Variants in DGKI observed in about 807,000 individuals in gnomAD.
DGKI encodes diacylglycerol kinase iota.
In DGKI, 55 loss-of-function variants were observed where a neutral mutation model predicts 147.5. That is an observed-to-expected ratio of 0.37 (90% confidence interval 0.30 to 0.47). The LOEUF is 0.47. Among genes scored for constraint, DGKI ranks in the 20% least tolerant of loss-of-function variants. DGKI has a pLI of 1.00. For missense variants in DGKI, 1,007 were observed against 1,323.8 expected (o/e 0.76, Z 3.71); for synonymous variants, 469 against 477.1 (o/e 0.98, Z 0.22).
intron 21 of DGKI, among the ~76,000 whole-genome samples, chr7:137,502,148 T>C (rs1816196512): frequency 6.6e-6 from 1 of 152,204 alleles, no homozygotes; most frequent in Non-Finnish European, 1.5e-5. Flanking sequence ...GTCTCAGGTA[T>C]GTCTTTGACA....
chr7:137,474,538 G>A (rs1187112396), intron 23 of DGKI, among the ~76,000 whole-genome samples: 1 of 152,164 alleles, frequency 6.6e-6, no homozygotes, highest in African/African-American at 2.4e-5. Context: ...TGGTTGAGGT[G>A]GCGGTGGTGG....
intron 1 of DGKI, among the ~76,000 whole-genome samples, chr7:137,698,741 G>T (rs1041899184): frequency 6.6e-6 from 1 of 152,190 alleles, no homozygotes; most frequent in Non-Finnish European, 1.5e-5. Flanking sequence ...CCCATTTTAT[G>T]AATGGGACGA....
Position 137,737,896 on chromosome 7 carries a change from G to A in DGKI, c.402-47894C>T, listed in dbSNP as rs577062387. Among the ~76,000 whole-genome samples, 28 of 152,170 alleles carry A rather than the reference G, an allele frequency of 1.8e-4. No homozygotes were observed. The South Asian group carries it at 5.4e-3, about 29-fold the overall frequency. ...CACAGTGGAGCTAGGAAAAAAATGGGACCATTAATTTATTCAATAATTTCT... is the reference window on the plus strand; with the variant it reads ...CACAGTGGAGCTAGGAAAAAAATGGAACCATTAATTTATTCAATAATTTCT... On this transcript the variant is annotated intron_variant, in intron 1 of 32. Coordinates refer to ENST00000614521, the MANE Select transcript of DGKI (RefSeq NM_001321708.2).
chr7:137,510,315 T>C (rs182113882), intron 21 of DGKI, among the ~76,000 whole-genome samples: 93 of 152,362 alleles, frequency 6.1e-4, no homozygotes, highest in Non-Finnish European at 1.1e-3. Flanking sequence ...AACAAGATGA[T>C]GTATATAATC....
intron 1 of DGKI, among the ~76,000 whole-genome samples, chr7:137,799,333 T>C (rs1343722133): frequency 6.6e-6 from 1 of 152,190 alleles, no homozygotes; most frequent in African/African-American, 2.4e-5. Flanking sequence ...AGTAGATTAG[T>C]GTTTGCCAGG....
intron 32 of DGKI, among the ~76,000 whole-genome samples, chr7:137,393,234 TA>T (rs397691562): frequency 1.3e-5 from 2 of 151,292 alleles, no homozygotes; most frequent in African/African-American, 4.9e-5. Flanking sequence ...CATTTTTTTT[TA>T]AAAAAAGCAG....
chr7:137,546,616 C>T (rs1353808616), intron 20 of DGKI, among the ~76,000 whole-genome samples: 1 of 152,208 alleles, frequency 6.6e-6, no homozygotes, highest in East Asian at 1.9e-4. Flanking sequence ...AGATTTCTCC[C>T]TTTTCTCCCT....
At chr7:137,483,414 T>G (rs1368754455) in intron 23 of DGKI, among the ~76,000 whole-genome samples, 2 of 152,128 alleles carry the variant, frequency 1.3e-5, no homozygotes, top group African/African-American at 4.8e-5. Flanking sequence ...GATCAGCTCT[T>G]ACCTTTAAAA....
intron 31 of DGKI, 25 bp from the exon 32 acceptor site, chr7:137,395,722 C>T (rs765286593): frequency 1.2e-6 from 2 of 1,610,754 alleles, no homozygotes; most frequent in South Asian, 1.1e-5. Flanking sequence ...AAATGGGAAA[C>T]CACCCATAAA....
At chr7:137,653,122 G>GTGTGTT (rs1321104246) in intron 5 of DGKI, among the ~76,000 whole-genome samples, 2 of 152,196 alleles carry the variant, frequency 1.3e-5, no homozygotes, top group Admixed American at 6.5e-5. Context: ...GTGTGTGTAT[G>GTGTGTT]TGTGTTTGTG....
At chr7:137,588,471 G>A (rs1006004153) in intron 12 of DGKI, among the ~76,000 whole-genome samples, 5 of 134,544 alleles carry the variant, frequency 3.7e-5, no homozygotes, top group Non-Finnish European at 6.1e-5. Context: ...TGGACATACC[G>A]ATGCTTTTTT....
intron 21 of DGKI, among the ~76,000 whole-genome samples, chr7:137,488,505 C>T (rs940725879): frequency 1.3e-5 from 2 of 151,760 alleles, no homozygotes; most frequent in South Asian, 2.1e-4. Context: ...GAAAAATAGT[C>T]TTCTTTCCAA....
At chr7:137,398,355 C>G (rs1264883035) in intron 30 of DGKI, among the ~76,000 whole-genome samples, 1 of 152,134 alleles carries the variant, frequency 6.6e-6, no homozygotes, top group Non-Finnish European at 1.5e-5. Flanking sequence ...TCCAGAAAAC[C>G]CCTTAAAGTT....
intron 5 of DGKI, among the ~76,000 whole-genome samples, chr7:137,652,443 T>C (rs559908757): frequency 5.9e-5 from 9 of 152,318 alleles, no homozygotes; most frequent in Admixed American, 2.6e-4. Context: ...ATGAATCCCC[T>C]GGTTGGAAAG....
intron 20 of DGKI, among the ~76,000 whole-genome samples, chr7:137,548,614 G>A (rs1241405092): frequency 6.6e-6 from 1 of 152,152 alleles, no homozygotes; most frequent in Non-Finnish European, 1.5e-5. Context: ...AGCAGATGCT[G>A]GTCCTATGCT....
chr7:137,412,114 A>G (rs1812184531), intron 29 of DGKI, 56 bp downstream of exon 29: 1 of 1,466,602 alleles, frequency 6.8e-7, no homozygotes, highest in Non-Finnish European at 9.6e-7. Context: ...ATGAGGAATG[A>G]TGTTGATTTA....
chr7:137,515,668 C>T (rs1816721246), intron 21 of DGKI, among the ~76,000 whole-genome samples: 1 of 151,922 alleles, frequency 6.6e-6, no homozygotes, highest in Non-Finnish European at 1.5e-5. Context: ...AATGTCAGCC[C>T]CTTAGACTGT....
chr7:137,417,077 AG>A (rs1047417564), intron 28 of DGKI, among the ~76,000 whole-genome samples: 9 of 152,188 alleles, frequency 5.9e-5, no homozygotes, highest in African/African-American at 1.7e-4. Flanking sequence ...AACCTTCTGA[AG>A]GATTGAGCTT....
At chr7:137,421,438 C>A (rs1812566737) in intron 28 of DGKI, among the ~76,000 whole-genome samples, 1 of 152,228 alleles carries the variant, frequency 6.6e-6, no homozygotes, top group African/African-American at 2.4e-5. Context: ...CTGTGGCAAT[C>A]CTTTTGAAGC....
Sources: gnomAD v4.1 joint callset for allele counts (sites outside exome capture counted in the v4.1 genomes callset) on GRCh38, gnomAD v4.1.1 for gene constraint, MANE v1.5 for transcripts, NCBI Gene and HGNC (gene_info 2026-07-23, HGNC 2026-07-21) for gene names.